PHF24: variants seen among roughly 807,000 people sequenced by gnomAD.
The protein encoded by PHF24 is PHD finger protein 24, also known as Galpha inhibitory interacting protein.
A neutral mutation model predicts 42.6 loss-of-function variants in PHF24; 25 were observed. The ratio of observed to expected loss-of-function variants is 0.59; its 90% CI spans 0.43 to 0.82. The LOEUF is 0.82. PHF24 is among the 40% of genes least tolerant of loss of function. The pLI is 0.00. For synonymous variants in PHF24, 185 were observed against 204.8 expected, an observed-to-expected ratio of 0.90 and a Z score of 0.83; for missense variants, 470 against 538.1, an observed-to-expected ratio of 0.87 and a Z score of 1.25.
At chr9:34,767,095 G>A in the PHF24 span, among the ~76,000 whole-genome samples, 1 of 152,188 alleles carries the variant, frequency 6.6e-6, no homozygotes, top group Non-Finnish European at 1.5e-5. Context: ...GCCATGTGAG[G>A]TGTCAGTCTG....
At chr9:34,791,459 C>T in the PHF24 span, among the ~76,000 whole-genome samples, 1 of 151,824 alleles carries the variant, frequency 6.6e-6, no homozygotes, top group South Asian at 2.1e-4. Flanking sequence ...TAAGTAGTTG[C>T]ATATATTACT....
At chr9:34,701,789 C>A in the PHF24 span, among the ~76,000 whole-genome samples, 1 of 152,064 alleles carries the variant, frequency 6.6e-6, no homozygotes, top group Non-Finnish European at 1.5e-5. This position sits in a 1 kb window ranked among gnomAD's most constrained non-coding sequence, Gnocchi z 5.8. Context: ...GGGTCCTCTG[C>A]GGGGCCGGCC....
the PHF24 span, among the ~76,000 whole-genome samples, chr9:34,710,466 CTTTTTT>C: frequency 8.5e-6 from 1 of 117,438 alleles, no homozygotes. Context: ...TGTAAGAGTT[CTTTTTT>C]TTTTTTTTTT....
the PHF24 span, among the ~76,000 whole-genome samples, chr9:34,673,253 G>T: frequency 6.6e-6 from 1 of 151,326 alleles, no homozygotes; most frequent in Non-Finnish European, 1.5e-5. Flanking sequence ...CTACTCGAGA[G>T]ATGAGGCAGG....
the PHF24 span, among the ~76,000 whole-genome samples, chr9:34,799,111 T>C: frequency 6.6e-6 from 1 of 152,196 alleles, no homozygotes; most frequent in Non-Finnish European, 1.5e-5. Flanking sequence ...ATTAGTCCTT[T>C]GTAAGACATA....
chr9:34,723,769 A>G, the PHF24 span: 1 of 1,551,732 alleles, frequency 6.4e-7, no homozygotes, highest in Non-Finnish European at 8.7e-7. Context: ...CAGTCTGGGC[A>G]TTCTCAGGAA....
the PHF24 span, chr9:34,922,184 T>C: frequency 1.1e-5 from 17 of 1,586,820 alleles, no homozygotes; most frequent in Admixed American, 1.5e-4. Flanking sequence ...GGAAGGCCGG[T>C]TAATTTTCCC....
At chr9:34,726,313 C>T in the PHF24 span, 5 of 1,531,960 alleles carry the variant, frequency 3.3e-6, no homozygotes, top group East Asian at 2.5e-5. Flanking sequence ...GTCTTGGGAG[C>T]CCCCACCTCT....
At chr9:34,768,755 A>G in the PHF24 span, among the ~76,000 whole-genome samples, 1 of 152,200 alleles carries the variant, frequency 6.6e-6, no homozygotes, top group Non-Finnish European at 1.5e-5. Flanking sequence ...AGTGAGCAAC[A>G]CAACTGGAAA....
At chr9:34,746,455 C>T in the PHF24 span, among the ~76,000 whole-genome samples, 3 of 152,150 alleles carry the variant, frequency 2.0e-5, no homozygotes, top group African/African-American at 7.2e-5. Context: ...ATCAGCAATA[C>T]ACTATGAGTG....
the PHF24 span, among the ~76,000 whole-genome samples, chr9:34,678,905 C>T: frequency 3.9e-5 from 6 of 152,216 alleles, no homozygotes; most frequent in Non-Finnish European, 8.8e-5. Flanking sequence ...GCTAGGATTA[C>T]AGGCCTGAGC....
chr9:34,723,619 T>C, the PHF24 span: 20 of 1,551,796 alleles, frequency 1.3e-5, no homozygotes, highest in Admixed American at 7.8e-5. Context: ...AGCTAGACTC[T>C]GTAAGGCTGG....
the PHF24 span, among the ~76,000 whole-genome samples, chr9:34,782,083 G>A: frequency 6.6e-6 from 1 of 152,170 alleles, no homozygotes; most frequent in African/African-American, 2.4e-5. Context: ...CCTGAAGAAG[G>A]AGGAATGATG....
upstream of PHF24, among the ~76,000 whole-genome samples, chr9:34,955,287 T>C (rs531396434): frequency 2.6e-5 from 4 of 152,190 alleles, no homozygotes; most frequent in South Asian, 8.3e-4. Context: ...CCTCAGAATA[T>C]TTTTGGCATA....
At chr9:34,927,323 C>T in the PHF24 span, among the ~76,000 whole-genome samples, 3 of 152,112 alleles carry the variant, frequency 2.0e-5, no homozygotes, top group South Asian at 2.1e-4. Flanking sequence ...GAGGATGGAG[C>T]GCCCCAGTGC....
the PHF24 span, among the ~76,000 whole-genome samples, chr9:34,847,456 C>G: frequency 3.8e-4 from 57 of 151,784 alleles, no homozygotes; most frequent in East Asian, 1.4e-3. Context: ...ATTTTGTATC[C>G]TGAGACTTTG....
At chr9:34,776,581 C>T in the PHF24 span, among the ~76,000 whole-genome samples, 2 of 152,172 alleles carry the variant, frequency 1.3e-5, no homozygotes, top group Non-Finnish European at 2.9e-5. Context: ...GCAAATTTCT[C>T]ATTCATATCC....
the PHF24 span, among the ~76,000 whole-genome samples, chr9:34,913,273 C>T: frequency 3.9e-5 from 6 of 151,948 alleles, no homozygotes; most frequent in East Asian, 1.9e-4. Context: ...AAAATATATG[C>T]GATGATATAA....
the PHF24 span, among the ~76,000 whole-genome samples, chr9:34,784,491 A>C: frequency 6.6e-6 from 1 of 152,236 alleles, no homozygotes; most frequent in Non-Finnish European, 1.5e-5. Context: ...ACGGTACCAT[A>C]AGATGGTATG....
Sources: allele counts gnomAD v4.1 joint callset (sites outside exome capture counted in the v4.1 genomes callset), GRCh38; gene constraint gnomAD v4.1.1; non-coding constraint Gnocchi (gnomAD v3.1); transcripts MANE v1.5; gene names NCBI Gene and HGNC (gene_info 2026-07-23, HGNC 2026-07-21).